Variants in AVPI1 observed in about 807,000 individuals in gnomAD.
The protein encoded by AVPI1 is arginine vasopressin induced 1.
A neutral mutation model predicts 11.9 loss-of-function variants in AVPI1; 9 were observed. The observed-to-expected ratio is 0.76, with a 90% CI of 0.46 to 1.32. The LOEUF (loss-of-function observed/expected upper bound fraction) is 1.32. Among genes scored for constraint, AVPI1 ranks in the 40% most tolerant of loss-of-function variants. The pLI is 0.00. For missense variants in AVPI1, 207 were observed against 195.8 expected, an observed-to-expected ratio of 1.06 and a Z score of -0.34; for synonymous variants, 68 against 78.1, an observed-to-expected ratio of 0.87 and a Z score of 0.68.
Position 97,679,614 on chromosome 10 carries a change from C to T in AVPI1, c.287+5G>A, listed in dbSNP as rs373420009. 52 of 1,606,098 alleles carry T rather than the reference C, an allele frequency of 3.2e-5. No individual in the cohort carries two copies. Among genetic ancestry groups the T allele is most frequent in the Non-Finnish European group, 4.0e-5 (47 of 1,175,474 alleles). On this transcript the variant is annotated splice_donor_5th_base_variant and intron_variant, in intron 2 of 2. Coordinates refer to ENST00000370626, the MANE Select transcript of AVPI1 (RefSeq NM_021732.3). ...TCCCTCAGCCATCCGGTTCTAGGAA[C>T]CTACCTGAGGCGGCTGCAGTGGTGT...
At chr10:97,681,474 C>T (rs763225576) in intron 1 of AVPI1, among the ~76,000 whole-genome samples, 109 of 151,540 alleles carry the variant, frequency 7.2e-4, no homozygotes, top group Non-Finnish European at 1.4e-3. Context: ...CCCAGCTACT[C>T]GGGAGGCTGA....
At chr10:97,681,236 G>C (rs2041701534) in intron 1 of AVPI1, among the ~76,000 whole-genome samples, 1 of 152,160 alleles carries the variant, frequency 6.6e-6, no homozygotes, top group Non-Finnish European at 1.5e-5. Context: ...CCCAATAAGA[G>C]CTAAATAAAA....
chr10:97,678,615 A>G (rs1236892511), intron 2 of AVPI1, among the ~76,000 whole-genome samples: 1 of 152,004 alleles, frequency 6.6e-6, no homozygotes, highest in Admixed American at 6.6e-5. Context: ...TTTTTAACCC[A>G]TAATGCCTCG....
intron 2 of AVPI1, 139 bp downstream of exon 2, chr10:97,679,478 CTG>C (rs2041691045): frequency 1.9e-6 from 2 of 1,042,650 alleles, no homozygotes; most frequent in Admixed American, 3.0e-5. Flanking sequence ...AGTGGTGACA[CTG>C]TGTAGACCTT....
chr10:97,687,062 C>G lies in AVPI1; in HGVS notation c.-307G>C, dbSNP rs948703839. The G allele has an allele frequency of 1.3e-5, 2 of 152,326 alleles. No individual in the cohort carries two copies. Among genetic ancestry groups the G allele is most frequent in the Admixed American group, 1.3e-4 (2 of 15,276 alleles). The allele number at this position is 152,326 out of a possible 1,614,324, so 9.4% of individuals were successfully genotyped here. A position where few individuals can be genotyped will look rare whatever the true frequency, so the allele number is the denominator to read the frequency against. ...CGTCCCGCTGGCACCCCGGCTCTGA[C>G]TGTCGCCCTCCGGCTCCCACCGCAG... On this transcript the variant is annotated 5_prime_UTR_variant, in exon 1 of 3. Transcript: ENST00000370626.
intron 2 of AVPI1, among the ~76,000 whole-genome samples, chr10:97,678,504 A>G (rs1284058564): frequency 6.6e-6 from 1 of 152,194 alleles, no homozygotes; most frequent in Non-Finnish European, 1.5e-5. Flanking sequence ...GTTCAGCTCC[A>G]TCCCTTTGGG....
Position 97,679,625 on chromosome 10 carries a change from C to T in AVPI1, c.281G>A (p.Arg94His), listed in dbSNP as rs149721540. 55 of 1,609,028 alleles carry T rather than the reference C, an allele frequency of 3.4e-5. No homozygotes were observed. Among genetic ancestry groups the T allele is most frequent in the African/African-American group, 2.1e-4 (16 of 74,928 alleles). The change falls in exon 2 of 3, where the codon CGC (arginine) becomes CAC (histidine). Residue 94 changes from arginine to histidine, a missense_variant. Coordinates refer to ENST00000370626, the MANE Select transcript of AVPI1 (RefSeq NM_021732.3). The part of the protein sequence containing the change: ...PLGHSLHHCS[R>H]LRILEPHSAL... ...TCCGGTTCTAGGAACCTACCTGAGGCGGCTGCAGTGGTGTAGCGAGTGGCC... is the reference window on the plus strand; with the variant it reads ...TCCGGTTCTAGGAACCTACCTGAGGTGGCTGCAGTGGTGTAGCGAGTGGCC...
At chr10:97,682,929 A>G (rs940919390) in intron 1 of AVPI1, among the ~76,000 whole-genome samples, 21 of 152,236 alleles carry the variant, frequency 1.4e-4, no homozygotes, top group African/African-American at 4.6e-4. Flanking sequence ...CAAGAAGACA[A>G]CAGTCGCCAA....
chr10:97,678,248 A>G (rs142759584), intron 2 of AVPI1, among the ~76,000 whole-genome samples: 2 of 152,344 alleles, frequency 1.3e-5, no homozygotes, highest in Non-Finnish European at 2.9e-5. Flanking sequence ...GCAAAACTCA[A>G]CATTTCTTCA....
At chr10:97,678,071 G>A in intron 2 of AVPI1, 46 bp from the exon 3 acceptor site, 1 of 1,576,884 alleles carries the variant, frequency 6.3e-7, no homozygotes, top group Middle Eastern at 1.7e-4. Context: ...TAGGAAGAAT[G>A]GAATGGGGAC....
At chr10:97,686,327 TCAA>T (rs1400673086) in intron 1 of AVPI1, among the ~76,000 whole-genome samples, 2 of 152,190 alleles carry the variant, frequency 1.3e-5, no homozygotes, top group Non-Finnish European at 2.9e-5. Context: ...ATCACAGCCA[TCAA>T]CAAATCTGTG....
chr10:97,684,298 G>A (rs1173688581), intron 1 of AVPI1, among the ~76,000 whole-genome samples: 1 of 152,112 alleles, frequency 6.6e-6, no homozygotes, highest in Non-Finnish European at 1.5e-5. Flanking sequence ...CTGCCTCGGG[G>A]AGGAAATGGC....
At chr10:97,678,051 C>A in intron 2 of AVPI1, 26 bp from the exon 3 acceptor site, 1 of 1,603,498 alleles carries the variant, frequency 6.2e-7, no homozygotes, top group Non-Finnish European at 8.5e-7. Context: ...GTATGATTAG[C>A]CAACATCAAT....
rs138318540 is a variant in AVPI1 at position 97,681,247 on chromosome 10, T to C, written c.-10-1332A>G. 4.5e-3 allele frequency among the ~76,000 whole-genome samples: 681 copies of C among 152,304 alleles called. 7 individuals carry two copies. The highest frequency in any genetic ancestry group is 0.015 in the African/African-American group (637 of 41,550). ...GTTACCCAATAAGAGCTAAATAAAA[T>C]TATATCAGTTACCCAATAAGAGGAT... is the stretch of plus-strand genomic sequence containing the variant. On this transcript the variant is annotated intron_variant, in intron 1 of 2. Coordinates refer to ENST00000370626, the MANE Select transcript of AVPI1 (RefSeq NM_021732.3).
intron 2 of AVPI1, among the ~76,000 whole-genome samples, chr10:97,678,969 G>T (rs1209482011): frequency 4.2e-5 from 4 of 95,292 alleles, no homozygotes; most frequent in Non-Finnish European, 4.3e-5. Flanking sequence ...GTGTGTGTGT[G>T]TGTGTGTGTG....
At chr10:97,681,977 A>T (rs1027399651) in intron 1 of AVPI1, among the ~76,000 whole-genome samples, 3 of 152,182 alleles carry the variant, frequency 2.0e-5, no homozygotes, top group African/African-American at 7.2e-5. Context: ...TTGTAACTAC[A>T]AAACATTCAC....
chr10:97,685,402 G>A (rs935602080), intron 1 of AVPI1, among the ~76,000 whole-genome samples: 1 of 152,194 alleles, frequency 6.6e-6, no homozygotes, highest in Non-Finnish European at 1.5e-5. Flanking sequence ...ATGAAGTTCA[G>A]TTCAGACAGC....
chr10:97,678,089 G>A, intron 2 of AVPI1, 64 bp from the exon 3 acceptor site: 1 of 1,536,628 alleles, frequency 6.5e-7, no homozygotes, highest in Non-Finnish European at 8.9e-7. Context: ...GACTTCAAGA[G>A]ATTTCGTCAT....
At chr10:97,683,246 C>T (rs562105407) in intron 1 of AVPI1, among the ~76,000 whole-genome samples, 50 of 152,274 alleles carry the variant, frequency 3.3e-4, no homozygotes, top group African/African-American at 1.2e-3. Flanking sequence ...CAACCTCTAC[C>T]TCCTGAGTTC....
Sources: allele counts gnomAD v4.1 joint callset (sites outside exome capture counted in the v4.1 genomes callset), GRCh38; gene constraint gnomAD v4.1.1; transcripts MANE v1.5; gene names NCBI Gene and HGNC (gene_info 2026-07-23, HGNC 2026-07-21).